ANKRD6: variants seen among roughly 807,000 people sequenced by gnomAD.
ANKRD6 encodes the protein ankyrin repeat domain 6, also known as ankyrin repeat domain-containing protein 6.
In ANKRD6, 56 loss-of-function variants were observed where a neutral mutation model predicts 82.3. The observed-to-expected ratio is 0.68, with a 90% CI of 0.55 to 0.85. The LOEUF is 0.85. ANKRD6 is among the 40% of genes least tolerant of loss of function. The pLI is 0.00. For missense variants in ANKRD6, 852 were observed against 907.6 expected (o/e 0.94, Z 0.79); for synonymous variants, 347 against 352.1 (o/e 0.99, Z 0.16).
At chr6:89,551,259 G>T (rs4706344) in intron 1 of ANKRD6, among the ~76,000 whole-genome samples, 1 of 152,060 alleles carries the variant, frequency 6.6e-6, no homozygotes, top group Non-Finnish European at 1.5e-5. Flanking sequence ...CCTCACGCTG[G>T]TATGCTCACT....
At chr6:89,608,103 G>A (rs1385215110) in intron 5 of ANKRD6, among the ~76,000 whole-genome samples, 2 of 152,180 alleles carry the variant, frequency 1.3e-5, no homozygotes, top group Non-Finnish European at 2.9e-5. Flanking sequence ...AAATAAAAAA[G>A]CGTTATCAGT....
intron 2 of ANKRD6, among the ~76,000 whole-genome samples, chr6:89,575,088 T>C (rs1448870128): frequency 2.0e-5 from 3 of 152,226 alleles, no homozygotes; most frequent in Non-Finnish European, 2.9e-5. Context: ...TACATTCTTC[T>C]TGGCCTTTCT....
chr6:89,586,161 A>C (rs1793641899), intron 2 of ANKRD6, among the ~76,000 whole-genome samples: 1 of 152,202 alleles, frequency 6.6e-6, no homozygotes. Context: ...GAGAATAATA[A>C]TACAGTGTGA....
chr6:89,590,984 C>T (rs1296380629), intron 2 of ANKRD6, among the ~76,000 whole-genome samples: 1 of 152,122 alleles, frequency 6.6e-6, no homozygotes, highest in Admixed American at 6.5e-5. Context: ...CTTGCTCTGC[C>T]CAATTATTGG....
chr6:89,490,000 A>G lies in ANKRD6; in HGVS notation c.-144+56625A>G, dbSNP rs1325802368. Among the ~76,000 whole-genome samples the G allele has an allele frequency of 1.3e-5, 2 of 152,200 alleles. 1 individual carries two copies. Among genetic ancestry groups the G allele is most frequent in the Non-Finnish European group, 2.9e-5 (2 of 68,038 alleles). ...GGTTGTCCACTGTGTTTTGTTTAAC[A>G]AATTTATTCCCATGCAGACAACATG... On this transcript the variant is annotated intron_variant, in intron 1 of 15. Coordinates refer to ENST00000339746, the MANE Select transcript of ANKRD6 (RefSeq NM_001242809.2).
At chr6:89,510,572 G>A (rs564098575) in intron 1 of ANKRD6, among the ~76,000 whole-genome samples, 3 of 152,154 alleles carry the variant, frequency 2.0e-5, no homozygotes, top group Admixed American at 6.5e-5. Flanking sequence ...TACTTAAAGT[G>A]TATAATTCTG....
chr6:89,500,791 A>G (rs1582944430), intron 1 of ANKRD6, among the ~76,000 whole-genome samples: 2 of 152,154 alleles, frequency 1.3e-5, no homozygotes, highest in East Asian at 3.9e-4. Context: ...TTAATAATAG[A>G]TGAGCTAGCA....
intron 9 of ANKRD6, among the ~76,000 whole-genome samples, chr6:89,619,016 A>G (rs925616134): frequency 6.6e-6 from 1 of 152,352 alleles, no homozygotes; most frequent in East Asian, 1.9e-4. Context: ...TAACCCGACA[A>G]CAGCCCAGGG....
intron 1 of ANKRD6, among the ~76,000 whole-genome samples, chr6:89,507,493 C>T (rs1780013770): frequency 6.6e-6 from 1 of 152,206 alleles, no homozygotes; most frequent in Non-Finnish European, 1.5e-5. Flanking sequence ...AATCAAGTGT[C>T]TTTAATCATT....
intron 1 of ANKRD6, among the ~76,000 whole-genome samples, chr6:89,556,094 G>A (rs9451243): frequency 0.24 from 37,031 of 152,168 alleles, 5,205 homozygotes; most frequent in Middle Eastern, 0.32. Context: ...AGCAAACACC[G>A]CCAGCAGTCT....
At chr6:89,534,176 A>G (rs1255934560) in intron 1 of ANKRD6, among the ~76,000 whole-genome samples, 1 of 152,194 alleles carries the variant, frequency 6.6e-6, no homozygotes, top group African/African-American at 2.4e-5. Context: ...CAATTAGACA[A>G]TTTGATGGCT....
intron 6 of ANKRD6, 106 bp from the exon 7 acceptor site, chr6:89,613,686 G>C (rs1800794622): frequency 1.0e-6 from 1 of 988,742 alleles, no homozygotes; most frequent in South Asian, 1.6e-5. Flanking sequence ...ATTCCCTAAA[G>C]AGTACATGAT....
intron 1 of ANKRD6, among the ~76,000 whole-genome samples, chr6:89,516,287 G>A (rs1384381626): frequency 6.6e-6 from 1 of 152,154 alleles, no homozygotes. Context: ...GAAGAAGGTT[G>A]ACTTCTCCCT....
intron 1 of ANKRD6, among the ~76,000 whole-genome samples, chr6:89,491,219 G>A (rs1273885215): frequency 6.6e-6 from 1 of 152,154 alleles, no homozygotes; most frequent in African/African-American, 2.4e-5. Flanking sequence ...GTGGTAATCT[G>A]TTATGACAAT....
chr6:89,497,984 G>C lies in ANKRD6; in HGVS notation c.-144+64609G>C, dbSNP rs573518153. ...AGAATCAGATAGTATATGGTTTTTT[G>C]TTTCTGGCTACTTTCATTGCGCATA... On this transcript the variant is annotated intron_variant, in intron 1 of 15. Coordinates refer to ENST00000339746, the MANE Select transcript of ANKRD6 (RefSeq NM_001242809.2). Among the ~76,000 whole-genome samples the C allele has an allele frequency of 1.3e-5, 2 of 152,120 alleles. 1 individual carries two copies. Among genetic ancestry groups the C allele is most frequent in the South Asian group, 4.2e-4 (2 of 4,816 alleles).
chr6:89,439,963 C>T (rs143808894), intron 1 of ANKRD6, among the ~76,000 whole-genome samples: 233 of 152,262 alleles, frequency 1.5e-3, no homozygotes, highest in African/African-American at 5.3e-3. Context: ...TCCCAAAGTG[C>T]TGGGATTACA....
At chr6:89,540,104 A>AT (rs1479458806) in intron 1 of ANKRD6, among the ~76,000 whole-genome samples, 2 of 151,634 alleles carry the variant, frequency 1.3e-5, no homozygotes, top group Non-Finnish European at 2.9e-5. Context: ...AGGAGTTCAG[A>AT]TTTTTTTTTG....
intron 1 of ANKRD6, among the ~76,000 whole-genome samples, chr6:89,493,377 G>A (rs1297310488): frequency 1.3e-5 from 2 of 151,944 alleles, no homozygotes; most frequent in African/African-American, 4.8e-5. Flanking sequence ...GTCTCTGTGT[G>A]TCAACTCTCA....
intron 4 of ANKRD6, among the ~76,000 whole-genome samples, chr6:89,605,627 T>C (rs1410198670): frequency 1.3e-5 from 2 of 152,066 alleles, no homozygotes; most frequent in Admixed American, 6.6e-5. Flanking sequence ...CTAAGGGTGG[T>C]GGAGGTGGGA....
Sources: allele counts gnomAD v4.1 joint callset (sites outside exome capture counted in the v4.1 genomes callset), GRCh38; gene constraint gnomAD v4.1.1; transcripts MANE v1.5; gene names NCBI Gene and HGNC (gene_info 2026-07-23, HGNC 2026-07-21).